CSMD3: variants seen among roughly 807,000 people sequenced by gnomAD.
CSMD3 encodes CUB and sushi domain-containing protein 3.
In CSMD3, 177 loss-of-function variants were observed where a neutral mutation model predicts 435.2. The ratio of observed to expected loss-of-function variants is 0.41; its 90% CI spans 0.36 to 0.46. The LOEUF (loss-of-function observed/expected upper bound fraction) is 0.46, where lower values mean the gene tolerates loss of function less well. Ranked by LOEUF, CSMD3 falls within the 20% of genes least tolerant of loss-of-function variation. CSMD3 has a pLI of 0.34. For synonymous variants in CSMD3, 1,656 were observed against 1,520.5 expected (o/e 1.09, Z -2.07); for missense variants, 4,265 against 4,504.6 (o/e 0.95, Z 1.52).
intron 60 of CSMD3, among the ~76,000 whole-genome samples, chr8:112,264,945 T>TATATG (rs1816794435): frequency 6.6e-6 from 1 of 152,088 alleles, no homozygotes; most frequent in African/African-American, 2.4e-5. Flanking sequence ...TAGATTGTAT[T>TATATG]ATATGAAAAA....
rs139378428 is a variant in CSMD3 at position 113,367,656 on chromosome 8, C to T, written c.179-52863G>A. Reference sequence around the variant, plus strand: ...CATACGCCTTCTTGCTCTCTTCTTGCGTCTGGCTTCCTTTATATTTCTCAA... The same window carrying T: ...CATACGCCTTCTTGCTCTCTTCTTGTGTCTGGCTTCCTTTATATTTCTCAA... On this transcript the variant is annotated intron_variant, in intron 1 of 70. Transcript: ENST00000297405. Among the ~76,000 whole-genome samples the T allele has an allele frequency of 2.1e-3, 318 of 152,198 alleles. 1 individual carries two copies. Among genetic ancestry groups the T allele is most frequent in the African/African-American group, 6.2e-3 (256 of 41,550 alleles).
chr8:112,729,666 A>C (rs1331536266), intron 13 of CSMD3, among the ~76,000 whole-genome samples: 1 of 152,068 alleles, frequency 6.6e-6, no homozygotes, highest in Non-Finnish European at 1.5e-5. Flanking sequence ...AGAGGAAAAA[A>C]TAATCACAAC....
intron 10 of CSMD3, among the ~76,000 whole-genome samples, chr8:112,914,879 G>A (rs2082530042): frequency 6.6e-6 from 1 of 151,820 alleles, no homozygotes. Context: ...GAAACAAAGT[G>A]AGATTTTACT....
At chr8:112,928,445 T>C (rs1052933348) in intron 9 of CSMD3, among the ~76,000 whole-genome samples, 1 of 152,158 alleles carries the variant, frequency 6.6e-6, no homozygotes, top group East Asian at 1.9e-4. Context: ...CTTGCTATAA[T>C]ACCCAATAAG....
intron 3 of CSMD3, among the ~76,000 whole-genome samples, chr8:113,194,008 G>T (rs1350973442): frequency 6.6e-6 from 1 of 151,160 alleles, no homozygotes; most frequent in African/African-American, 2.4e-5. Flanking sequence ...CATGAATATT[G>T]TAGAATTGAA....
intron 10 of CSMD3, among the ~76,000 whole-genome samples, chr8:112,919,716 G>A (rs2082678238): frequency 1.3e-5 from 2 of 151,784 alleles, no homozygotes; most frequent in African/African-American, 2.4e-5. Context: ...TTGAGTGAAG[G>A]ACACAAGAAA....
chr8:112,349,952 T>A (rs1255295107), intron 40 of CSMD3, among the ~76,000 whole-genome samples: 3 of 152,050 alleles, frequency 2.0e-5, no homozygotes, highest in Non-Finnish European at 4.4e-5. Context: ...ATGAAGGTAC[T>A]TAAGGTTAAA....
chr8:113,255,035 G>C (rs1451086107), intron 3 of CSMD3, among the ~76,000 whole-genome samples: 1 of 152,116 alleles, frequency 6.6e-6, no homozygotes, highest in Non-Finnish European at 1.5e-5. Flanking sequence ...GGACAATGCT[G>C]AAAAGGCAAG....
chr8:112,354,738 T>C (rs761219575), intron 38 of CSMD3, among the ~76,000 whole-genome samples: 5 of 152,166 alleles, frequency 3.3e-5, no homozygotes, highest in Non-Finnish European at 5.9e-5. Context: ...GCTCATGAAT[T>C]GGAAGAATCA....
intron 45 of CSMD3, among the ~76,000 whole-genome samples, chr8:112,332,141 G>A (rs1291514266): frequency 1.3e-5 from 2 of 152,044 alleles, no homozygotes; most frequent in South Asian, 2.1e-4. Context: ...ATATAAAGAG[G>A]ATAAGAACAA....
chr8:112,977,200 A>G (rs925025654), intron 6 of CSMD3, among the ~76,000 whole-genome samples: 2 of 152,018 alleles, frequency 1.3e-5, no homozygotes, highest in African/African-American at 4.8e-5. Context: ...GACAGCTAAA[A>G]TCCTTAACAG....
chr8:112,950,330 C>CT (rs1230306639), intron 8 of CSMD3, among the ~76,000 whole-genome samples: 1 of 151,670 alleles, frequency 6.6e-6, no homozygotes, highest in Non-Finnish European at 1.5e-5. Flanking sequence ...TAAAATGTGA[C>CT]TTTTTAAAAT....
At chr8:112,235,129 G>A (rs1476808627) in intron 67 of CSMD3, among the ~76,000 whole-genome samples, 1 of 152,178 alleles carries the variant, frequency 6.6e-6, no homozygotes, top group Admixed American at 6.5e-5. Context: ...ACTTTGGGAA[G>A]CCAAGGCGGA....
At chr8:113,017,871 T>C (rs984366466) in intron 6 of CSMD3, among the ~76,000 whole-genome samples, 4 of 152,068 alleles carry the variant, frequency 2.6e-5, no homozygotes, top group African/African-American at 9.7e-5. Context: ...TATGTGAAAA[T>C]AAATTTTTCT....
intron 4 of CSMD3, among the ~76,000 whole-genome samples, chr8:113,155,279 T>C (rs1282031065): frequency 1.3e-5 from 2 of 152,002 alleles, no homozygotes; most frequent in African/African-American, 4.8e-5. Flanking sequence ...CTCCAGTTCC[T>C]TAATTGTAAA....
At chr8:112,355,345 CA>C (rs1490132309) in intron 38 of CSMD3, among the ~76,000 whole-genome samples, 1 of 152,050 alleles carries the variant, frequency 6.6e-6, no homozygotes, top group Non-Finnish European at 1.5e-5. Context: ...CAAAAATTGA[CA>C]AGTAAGACCT....
intron 38 of CSMD3, among the ~76,000 whole-genome samples, chr8:112,363,165 A>C (rs991348845): frequency 6.6e-6 from 1 of 151,928 alleles, no homozygotes; most frequent in Admixed American, 6.6e-5. Flanking sequence ...CAGTTTCCTC[A>C]CCTATAAAAT....
At chr8:113,340,174 T>C (rs1485590100) in intron 1 of CSMD3, among the ~76,000 whole-genome samples, 1 of 152,030 alleles carries the variant, frequency 6.6e-6, no homozygotes, top group East Asian at 1.9e-4. Context: ...TTATTGCAAG[T>C]TTTTTATTGA....
chr8:113,333,559 T>C (rs888169738), intron 1 of CSMD3, among the ~76,000 whole-genome samples: 1 of 151,850 alleles, frequency 6.6e-6, no homozygotes, highest in Non-Finnish European at 1.5e-5. Context: ...AATGCTTTTA[T>C]ACCTTTCTCA....
Sources: allele counts gnomAD v4.1 joint callset (sites outside exome capture counted in the v4.1 genomes callset), GRCh38; gene constraint gnomAD v4.1.1; transcripts MANE v1.5; gene names NCBI Gene and HGNC (gene_info 2026-07-23, HGNC 2026-07-21).